INSL6: variants seen among roughly 807,000 people sequenced by gnomAD.
INSL6 encodes insulin-like peptide INSL6.
In INSL6, 16 loss-of-function variants were observed where a neutral mutation model predicts 9.4. The ratio of observed to expected loss-of-function variants is 1.70; its 90% confidence interval spans 1.15 to 2.59. The LOEUF is 2.59. Among genes scored for constraint, INSL6 ranks in the 30% most tolerant of loss-of-function variants. INSL6 has a pLI of 0.00. For missense variants in INSL6, 391 were observed against 257.3 expected, an observed-to-expected ratio of 1.52 and a Z score of -3.56; for synonymous variants, 154 against 96.9, an observed-to-expected ratio of 1.59 and a Z score of -3.46.
At chr9:5,063,979 A>AAC in the INSL6 span, among the ~76,000 whole-genome samples, 1 of 150,124 alleles carries the variant, frequency 6.7e-6, no homozygotes. Flanking sequence ...AACATGTTGA[A>AAC]ACTCTGTCTC....
chr9:5,077,593 A>C, the INSL6 span: 1 of 1,452,946 alleles, frequency 6.9e-7, no homozygotes, highest in Non-Finnish European at 9.1e-7. Flanking sequence ...AAGTAGTACA[A>C]CCTTTTTATC....
At chr9:5,055,721 A>C in the INSL6 span, 2 of 1,603,802 alleles carry the variant, frequency 1.2e-6, no homozygotes, top group Non-Finnish European at 1.7e-6. Context: ...AGTATTAAGC[A>C]AGCAAACCAA....
the INSL6 span, chr9:5,114,165 G>T: frequency 2.4e-6 from 1 of 423,854 alleles, no homozygotes; most frequent in Non-Finnish European, 4.7e-6. Flanking sequence ...CAAGAAGTGT[G>T]CAGATTCTAA....
chr9:5,056,199 C>T, the INSL6 span, among the ~76,000 whole-genome samples: 1 of 151,986 alleles, frequency 6.6e-6, no homozygotes, highest in Non-Finnish European at 1.5e-5. Flanking sequence ...ATTTATATAA[C>T]AAAATGTAAA....
At chr9:5,162,540 T>C (rs545385752), downstream of INSL6, among the ~76,000 whole-genome samples, 87 of 152,338 alleles carry the variant, frequency 5.7e-4, no homozygotes, top group African/African-American at 2.0e-3. Flanking sequence ...ATCGTGTACA[T>C]GGCTGTATTT....
the INSL6 span, among the ~76,000 whole-genome samples, chr9:5,036,830 A>T: frequency 6.6e-6 from 1 of 152,344 alleles, no homozygotes; most frequent in East Asian, 1.9e-4. Flanking sequence ...AAACACCAAA[A>T]GCAATGGCAA....
chr9:5,185,188 T>C (rs541627223), intron 1 of INSL6, 126 bp downstream of exon 1: 2 of 1,216,356 alleles, frequency 1.6e-6, no homozygotes, highest in South Asian at 2.6e-5. Flanking sequence ...TTTTTTACAA[T>C]TTTTTAAAGA....
the INSL6 span, among the ~76,000 whole-genome samples, chr9:5,048,421 G>T: frequency 6.6e-6 from 1 of 152,132 alleles, no homozygotes; most frequent in Non-Finnish European, 1.5e-5. Context: ...GATTACAGGT[G>T]TGAGCCACTG....
At chr9:5,081,442 C>T in the INSL6 span, among the ~76,000 whole-genome samples, 1 of 152,118 alleles carries the variant, frequency 6.6e-6, no homozygotes, top group South Asian at 2.1e-4. Context: ...GTACTACTCA[C>T]CTTTCTCACA....
chr9:5,037,565 G>C, the INSL6 span, among the ~76,000 whole-genome samples: 1 of 152,156 alleles, frequency 6.6e-6, no homozygotes, highest in Non-Finnish European at 1.5e-5. Context: ...TAGGGACATG[G>C]ATGAAGCTGG....
the INSL6 span, chr9:5,111,707 G>A: frequency 1.6e-5 from 7 of 431,892 alleles, no homozygotes; most frequent in Non-Finnish European, 2.3e-5. Context: ...CACGTTTGGC[G>A]GCCTGCACCA....
At chr9:5,175,493 C>T (rs1040312705) in intron 1 of INSL6, among the ~76,000 whole-genome samples, 2 of 152,094 alleles carry the variant, frequency 1.3e-5, no homozygotes, top group Non-Finnish European at 2.9e-5. Flanking sequence ...CACCCCAAAA[C>T]AAAGTCTTTA....
the INSL6 span, among the ~76,000 whole-genome samples, chr9:5,045,515 A>C: frequency 6.6e-6 from 1 of 152,328 alleles, no homozygotes; most frequent in South Asian, 2.1e-4. Context: ...ATCCATCTCC[A>C]GAACATTTTT....
At chr9:5,116,441 ATGAG>A in the INSL6 span, among the ~76,000 whole-genome samples, 1 of 152,338 alleles carries the variant, frequency 6.6e-6, no homozygotes, top group Non-Finnish European at 1.5e-5. Context: ...CTTTTAGGGT[ATGAG>A]TGAAACTAAA....
the INSL6 span, among the ~76,000 whole-genome samples, chr9:5,106,841 T>G: frequency 1.3e-5 from 2 of 151,580 alleles, no homozygotes; most frequent in African/African-American, 4.9e-5. Context: ...TAGGTGGGAG[T>G]TGAACAATGA....
At chr9:5,104,175 A>C in the INSL6 span, among the ~76,000 whole-genome samples, 1 of 152,160 alleles carries the variant, frequency 6.6e-6, no homozygotes, top group African/African-American at 2.4e-5. Flanking sequence ...AGCAAGACTA[A>C]TAAAGAAGAA....
the INSL6 span, among the ~76,000 whole-genome samples, chr9:5,024,390 CT>C: frequency 8.5e-4 from 129 of 152,036 alleles, no homozygotes; most frequent in African/African-American, 2.9e-3. Flanking sequence ...GAACAAAAAA[CT>C]CTTTCAGTCT....
rs548332465 is a variant in INSL6, at chr9:5,153,446, C to T, written c.376+10733G>A. On this transcript the variant is annotated intron_variant, in intron 2 of 3. Coordinates refer to the INSL6 transcript ENST00000649639. ...CTGGGAAGTTTGAACAGGGTGGAGC[C>T]CACGCCAGCTCAGCAAGGCCACCGT... 2.6e-5 allele frequency among the ~76,000 whole-genome samples: 4 copies of T among 152,220 alleles called. No homozygotes were observed. The South Asian group carries it at 6.2e-4, about 24-fold the overall frequency.
the INSL6 span, among the ~76,000 whole-genome samples, chr9:5,034,914 CA>C: frequency 3.9e-5 from 6 of 151,994 alleles, no homozygotes; most frequent in East Asian, 1.9e-4. Flanking sequence ...CATAGAGAGA[CA>C]AAAAACCCTT....
Sources: gnomAD v4.1 joint callset for allele counts (sites outside exome capture counted in the v4.1 genomes callset) on GRCh38, gnomAD v4.1.1 for gene constraint, MANE v1.5 for transcripts, NCBI Gene and HGNC (gene_info 2026-07-23, HGNC 2026-07-21) for gene names.